ADGRV1: variants seen among roughly 807,000 people sequenced by gnomAD.
The protein encoded by ADGRV1 is adhesion G protein-coupled receptor V1.
A neutral mutation model predicts 596.2 loss-of-function variants in ADGRV1; 359 were observed. The observed-to-expected ratio is 0.60, with a 90% confidence interval of 0.55 to 0.66. The LOEUF (loss-of-function observed/expected upper bound fraction) is 0.66, where lower values mean the gene tolerates loss of function less well. ADGRV1 is among the 30% of genes least tolerant of loss of function. The pLI, the probability that ADGRV1 is intolerant of heterozygous loss-of-function variation, is 0.00. For synonymous variants in ADGRV1, 2,681 were observed against 2,679.2 expected, an observed-to-expected ratio of 1.00 and a Z score of -0.02; for missense variants, 7,274 against 7,575.6, an observed-to-expected ratio of 0.96 and a Z score of 1.48.
At chr5:90,961,275 C>T (rs1581639085) in intron 83 of ADGRV1, among the ~76,000 whole-genome samples, 1 of 151,816 alleles carries the variant, frequency 6.6e-6, no homozygotes, top group Non-Finnish European at 1.5e-5. Context: ...CCGAAGCGGG[C>T]GGATCATGAG....
chr5:90,559,143 G>A (rs1300332673), intron 1 of ADGRV1, among the ~76,000 whole-genome samples: 1 of 152,148 alleles, frequency 6.6e-6, no homozygotes, highest in Non-Finnish European at 1.5e-5. Context: ...GGGAGCGTTA[G>A]GTTCCTGCAC....
At chr5:91,000,905 C>T (rs1781805910) in intron 85 of ADGRV1, among the ~76,000 whole-genome samples, 2 of 151,948 alleles carry the variant, frequency 1.3e-5, no homozygotes, top group Admixed American at 6.6e-5. Flanking sequence ...AAGGATCAGC[C>T]TTTTTTCCTC....
At chr5:91,150,009 C>CTTTTTTTTT in intron 87 of ADGRV1, 21 bp from the exon 88 acceptor site, 2 of 1,288,700 alleles carry the variant, frequency 1.6e-6, no homozygotes, top group South Asian at 3.2e-5. Flanking sequence ...CTTTTCTTTT[C>CTTTTTTTTT]TTTTTTTTTT....
chr5:90,998,942 T>C (rs1781637685), intron 85 of ADGRV1, among the ~76,000 whole-genome samples: 1 of 152,160 alleles, frequency 6.6e-6, no homozygotes, highest in Non-Finnish European at 1.5e-5. Context: ...GTGCATACTC[T>C]CATTAATTCT....
At position 90,776,134 on chromosome 5, in the gene ADGRV1, T is replaced by C. The variant is rs532963275; in HGVS notation, c.12404-319T>C. On this transcript the variant is annotated intron_variant, in intron 60 of 89. Coordinates refer to ENST00000405460, the MANE Select transcript of ADGRV1 (RefSeq NM_032119.4). ...TAGTCAATTGCAGTGAGCTGCAAAATGGTTACTGTAGAAACAAATTAATGC... is the reference window on the plus strand; with the variant it reads ...TAGTCAATTGCAGTGAGCTGCAAAACGGTTACTGTAGAAACAAATTAATGC... 1.1e-4 allele frequency among the ~76,000 whole-genome samples: 17 copies of C among 152,242 alleles called. No individual in the cohort carries two copies. The South Asian group carries it at 3.3e-3, about 30-fold the overall frequency.
At chr5:90,829,752 C>A (rs1224621735) in intron 77 of ADGRV1, among the ~76,000 whole-genome samples, 1 of 152,116 alleles carries the variant, frequency 6.6e-6, no homozygotes, top group African/African-American at 2.4e-5. Context: ...TTGGCCCCAA[C>A]AATACCATAT....
At chr5:90,915,801 G>T (rs1297942235) in intron 83 of ADGRV1, among the ~76,000 whole-genome samples, 1 of 152,124 alleles carries the variant, frequency 6.6e-6, no homozygotes, top group Admixed American at 6.5e-5. Context: ...TAGATTAGTT[G>T]ATTTTAACTG....
chr5:91,019,435 A>G (rs1031194049), intron 85 of ADGRV1, among the ~76,000 whole-genome samples: 11 of 151,952 alleles, frequency 7.2e-5, no homozygotes, highest in Non-Finnish European at 1.5e-4. Flanking sequence ...ACTTTTTCTT[A>G]CCTTAAGACT....
intron 48 of ADGRV1, among the ~76,000 whole-genome samples, chr5:90,727,492 C>T (rs565410091): frequency 6.6e-6 from 1 of 152,256 alleles, no homozygotes; most frequent in African/African-American, 2.4e-5. Context: ...CAGATCCATT[C>T]TCCATTGAGT....
rs746147725 is a variant in ADGRV1, at chr5:90,779,029, T to C, written c.13014T>C (p.Leu4338=). ...GGAAAAGTCTGCATGTTGAAATCCT[T>C]GATGATGACTATCCTGAAGGCCCAG... ...EMRKSLHVEI[L]DDDYPEGPEE... Residue 4338 remains leucine, a synonymous_variant, in exon 64 of 90, where the codon CTT becomes CTC. Coordinates refer to ENST00000405460, the MANE Select transcript of ADGRV1 (RefSeq NM_032119.4). 1.9e-6 allele frequency: 3 copies of C among 1,613,388 alleles called. No homozygotes were observed. In the Admixed American group the frequency reaches 5.0e-5, roughly 27 times the overall value.
intron 83 of ADGRV1, among the ~76,000 whole-genome samples, chr5:90,930,853 A>G (rs1324039368): frequency 2.0e-5 from 3 of 152,246 alleles, no homozygotes; most frequent in East Asian, 3.9e-4. Flanking sequence ...AGAATATCCA[A>G]TTCATTAAAC....
chr5:91,076,590 A>C (rs116366272), intron 86 of ADGRV1, among the ~76,000 whole-genome samples: 2,495 of 152,262 alleles, frequency 0.016, 62 homozygotes, highest in African/African-American at 0.055. Flanking sequence ...TAAGAAGAGA[A>C]ACTGTAATAT....
chr5:90,988,614 A>G (rs1221671119), intron 85 of ADGRV1, among the ~76,000 whole-genome samples: 1 of 151,704 alleles, frequency 6.6e-6, no homozygotes, highest in African/African-American at 2.4e-5. Context: ...TCTTATAAAT[A>G]TCTTTACCAG....
intron 87 of ADGRV1, among the ~76,000 whole-genome samples, chr5:91,141,223 A>T (rs1402467938): frequency 6.6e-6 from 1 of 152,258 alleles, no homozygotes; most frequent in Non-Finnish European, 1.5e-5. Context: ...TGCTGCCTAG[A>T]TATTTAATGA....
rs548841667 is a variant in ADGRV1, at chr5:90,774,189, G to C, written c.12289G>C (p.Glu4097Gln). 2.1e-5 allele frequency: 33 copies of C among 1,587,466 alleles called. 1 individual carries two copies. The South Asian group carries it at 3.4e-4, about 16-fold the overall frequency. Residue 4097 changes from glutamate to glutamine, a missense_variant, in exon 60 of 90, where the codon GAG becomes CAG. Glu to Gln is a conservative substitution (Grantham distance 29). Transcript: ENST00000405460. ...CTGTTTCTGTCATTGGATGTAGACT[G>C]AGTCCCAGAAGACCATTGTGTTGCA... is the stretch of plus-strand genomic sequence containing the variant. The part of the protein sequence containing the change: ...LNGTLHFDET[E>Q]SQKTIVLHTL...
chr5:90,593,411 T>C (rs908828648), intron 1 of ADGRV1, among the ~76,000 whole-genome samples: 2 of 146,712 alleles, frequency 1.4e-5, no homozygotes, highest in East Asian at 4.1e-4. Context: ...TGAGAACACA[T>C]GGACACAGGG....
intron 70 of ADGRV1, among the ~76,000 whole-genome samples, chr5:90,800,112 A>C (rs1211855962): frequency 2.0e-5 from 3 of 152,242 alleles, no homozygotes; most frequent in Admixed American, 6.5e-5. Flanking sequence ...TCTGCACAGC[A>C]AAAGAAACTA....
At chr5:90,692,099 G>C (rs1188564158) in intron 31 of ADGRV1, among the ~76,000 whole-genome samples, 1 of 151,952 alleles carries the variant, frequency 6.6e-6, no homozygotes, top group African/African-American at 2.4e-5. Context: ...TAAAATATTA[G>C]ATATTCATTA....
chr5:90,779,105 A>G lies in ADGRV1; in HGVS notation c.13082+8A>G. 6.5e-7 allele frequency: 1 copy of G among 1,540,766 alleles called. No homozygotes were observed. Among genetic ancestry groups the G allele is most frequent in the South Asian group, 1.1e-5 (1 of 89,040 alleles). On this transcript the variant is annotated splice_region_variant and intron_variant, in intron 64 of 89. Transcript: ENST00000405460. The stretch of plus-strand genomic sequence containing the variant: ...GGTGGAACTCCAGGGAAGGTAAAGG[A>G]GAAAGGCAATTAGGAAAAAGAAAGC...
Sources: allele counts gnomAD v4.1 joint callset (sites outside exome capture counted in the v4.1 genomes callset), GRCh38; gene constraint gnomAD v4.1.1; transcripts MANE v1.5; gene names NCBI Gene and HGNC (gene_info 2026-07-23, HGNC 2026-07-21).